Variants in CDH1 observed in about 807,000 individuals in gnomAD.
CDH1 encodes cadherin-1.
Under a neutral mutation model 84.5 loss-of-function variants are expected in CDH1, and 35 were observed. The observed-to-expected ratio is 0.41, with a 90% CI of 0.32 to 0.55. The LOEUF is 0.55. Ranked by LOEUF, CDH1 falls within the 20% of genes least tolerant of loss-of-function variation. The pLI, the probability that CDH1 is intolerant of heterozygous loss-of-function variation, is 0.19. For missense variants in CDH1, 994 were observed against 1,126.6 expected, an observed-to-expected ratio of 0.88 and a Z score of 1.68; for synonymous variants, 417 against 439.0, an observed-to-expected ratio of 0.95 and a Z score of 0.63.
chr16:68,808,798 T>A lies in CDH1; in HGVS notation c.637T>A (p.Trp213Arg), dbSNP rs1555515277. 1 of 1,614,156 alleles carries A rather than the reference T, an allele frequency of 6.2e-7. No individual in the cohort carries two copies. Among genetic ancestry groups the A allele is most frequent in the Middle Eastern group, 1.6e-4 (1 of 6,062 alleles). The change falls in exon 5 of 16, where the codon TGG becomes AGG. Residue 213 changes from tryptophan (W) to arginine (R), a missense_variant. By Grantham distance (101) the Trp-to-Arg change is moderately radical. This residue lies in a region of CDH1 where 769 missense variants were observed against 881.8 expected (regional missense o/e 0.87). Coordinates refer to ENST00000261769, the MANE Select transcript of CDH1 (RefSeq NM_004360.5). ...CTTTATTATTGAAAGAGAAACAGGA[T>A]GGCTGAAGGTGACAGAGCCTCTGGA... is the stretch of plus-strand genomic sequence containing the variant. Reference protein sequence around the residue: ...GVFIIERETGWLKVTEPLDRE... With the variant: ...GVFIIERETGRLKVTEPLDRE...
intron 2 of CDH1, among the ~76,000 whole-genome samples, chr16:68,752,886 C>T (rs1007919422): frequency 3.3e-5 from 5 of 152,178 alleles, no homozygotes; most frequent in African/African-American, 4.8e-5. Context: ...GTGGGTAACA[C>T]CTTCCTTGAG....
intron 4 of CDH1, 29 bp from the exon 5 acceptor site, chr16:68,808,664 T>TA: frequency 6.2e-7 from 1 of 1,613,864 alleles, no homozygotes; most frequent in Non-Finnish European, 8.5e-7. Context: ...CCTTCTTTAC[T>TA]AATTCTTTTT....
At chr16:68,774,517 C>G (rs1258786285) in intron 2 of CDH1, among the ~76,000 whole-genome samples, 1 of 152,144 alleles carries the variant, frequency 6.6e-6, no homozygotes, top group Non-Finnish European at 1.5e-5. Context: ...AAGACCCTGT[C>G]TCAAATAAAT....
chr16:68,808,646 G>A (rs536489978), intron 4 of CDH1, 47 bp from the exon 5 acceptor site: 1 of 1,613,320 alleles, frequency 6.2e-7, no homozygotes, highest in Admixed American at 1.7e-5. Flanking sequence ...AAGACCCAGT[G>A]TTGGGATCCT....
At chr16:68,829,121 C>A (rs1961408894) in intron 14 of CDH1, among the ~76,000 whole-genome samples, 1 of 152,164 alleles carries the variant, frequency 6.6e-6, no homozygotes, top group South Asian at 2.1e-4. Flanking sequence ...CATCTAAGCT[C>A]ATGAGAATCT....
At chr16:68,744,528 G>A (rs1962672536) in intron 2 of CDH1, among the ~76,000 whole-genome samples, 1 of 151,998 alleles carries the variant, frequency 6.6e-6, no homozygotes, top group Non-Finnish European at 1.5e-5. Context: ...ACTCTTGGGG[G>A]ACTGGGGTTT....
chr16:68,749,497 A>G (rs1962834131), intron 2 of CDH1, among the ~76,000 whole-genome samples: 1 of 152,196 alleles, frequency 6.6e-6, no homozygotes, highest in African/African-American at 2.4e-5. Context: ...TAAATCATAG[A>G]AGGTGTTTGT....
chr16:68,750,166 TGGAAGGC>T (rs1206426157), intron 2 of CDH1, among the ~76,000 whole-genome samples: 580 of 149,326 alleles, frequency 3.9e-3, no homozygotes, highest in East Asian at 5.6e-3. Context: ...TTTTTGCCTT[TGGAAGGC>T]CTCTTTTGTC....
intron 11 of CDH1, 92 bp from the exon 12 acceptor site, chr16:68,821,909 G>T: frequency 9.8e-7 from 1 of 1,017,182 alleles, no homozygotes; most frequent in Non-Finnish European, 1.5e-6. Context: ...CCACTGAAGA[G>T]CCAGGACAAG....
chr16:68,812,358 ACT>A (rs1173190950), intron 8 of CDH1, 95 bp downstream of exon 8: 7 of 1,325,402 alleles, frequency 5.3e-6, no homozygotes, highest in South Asian at 1.2e-5. Context: ...GTCTTTGAAA[ACT>A]CTCTCCAGAC....
intron 9 of CDH1, among the ~76,000 whole-genome samples, chr16:68,814,931 A>C (rs1015707766): frequency 3.3e-5 from 5 of 151,874 alleles, no homozygotes; most frequent in Non-Finnish European, 1.5e-5. Context: ...TAAAAAAAAA[A>C]AAAAAAAAAG....
chr16:68,811,425 A>G (rs1960826619), intron 6 of CDH1, among the ~76,000 whole-genome samples: 1 of 149,934 alleles, frequency 6.7e-6, no homozygotes, highest in African/African-American at 2.5e-5. Flanking sequence ...AAAGATAACC[A>G]CACCCTGACT....
intron 2 of CDH1, among the ~76,000 whole-genome samples, chr16:68,768,504 T>A (rs544949362): frequency 6.6e-6 from 1 of 152,326 alleles, no homozygotes; most frequent in East Asian, 1.9e-4. Context: ...CCATTGATAT[T>A]TGTCATTTTG....
At chr16:68,755,414 T>G (rs1047684545) in intron 2 of CDH1, among the ~76,000 whole-genome samples, 1 of 152,130 alleles carries the variant, frequency 6.6e-6, no homozygotes, top group African/African-American at 2.4e-5. Context: ...ATTTTTAAAT[T>G]TTTTGTTAAA....
chr16:68,742,561 T>C (rs1962598025), intron 2 of CDH1: 1 of 153,242 alleles, frequency 6.5e-6, no homozygotes, highest in Admixed American at 6.5e-5. Context: ...GTACTAGTAC[T>C]TGGATGGGAG....
chr16:68,758,112 C>T (rs1420252077), intron 2 of CDH1, among the ~76,000 whole-genome samples: 4 of 150,924 alleles, frequency 2.7e-5, no homozygotes, highest in Admixed American at 6.6e-5. Context: ...CTGCACTGGC[C>T]TGCAAGTTTC....
chr16:68,738,739 G>C (rs1461162137), intron 2 of CDH1, among the ~76,000 whole-genome samples: 2 of 151,938 alleles, frequency 1.3e-5, no homozygotes, highest in South Asian at 4.2e-4. Flanking sequence ...GGGTGGGAAG[G>C]CCTGGCAGGA....
At chr16:68,772,242 C>G (rs1959598841) in intron 2 of CDH1, among the ~76,000 whole-genome samples, 1 of 152,218 alleles carries the variant, frequency 6.6e-6, no homozygotes, top group Non-Finnish European at 1.5e-5. Context: ...TCGGGCAGGC[C>G]TAGCAGACAG....
intron 2 of CDH1, among the ~76,000 whole-genome samples, chr16:68,793,490 A>AT (rs1389909529): frequency 2.3e-3 from 351 of 152,342 alleles, no homozygotes; most frequent in African/African-American, 8.0e-3. Context: ...GTACTAACAG[A>AT]CAGGCTGCCT....
Sources: allele counts gnomAD v4.1 joint callset (sites outside exome capture counted in the v4.1 genomes callset), GRCh38; gene constraint gnomAD v4.1.1; regional missense constraint gnomAD v4.1.1; transcripts MANE v1.5; gene names NCBI Gene and HGNC (gene_info 2026-07-23, HGNC 2026-07-21).